The following DIAPH2 variants were observed in gnomAD, a reference collection of about 807,000 sequenced individuals.
The protein encoded by DIAPH2 is protein diaphanous homolog 2.
In DIAPH2, 35 loss-of-function variants were observed where a neutral mutation model predicts 92.7. The observed-to-expected ratio is 0.38, with a 90% CI of 0.29 to 0.50. The LOEUF is 0.50. DIAPH2 is among the 20% of genes least tolerant of loss of function. The pLI, the probability that DIAPH2 is intolerant of heterozygous loss-of-function variation, is 0.94. For missense variants in DIAPH2, 701 were observed against 819.5 expected (o/e 0.86, Z 1.77); for synonymous variants, 301 against 280.4 (o/e 1.07, Z -0.73).
intron 4 of DIAPH2, among the ~76,000 whole-genome samples, chrX:96,809,059 C>A (rs2064652424): frequency 9.0e-6 from 1 of 111,430 alleles, no homozygotes. Flanking sequence ...TTTTTAAACA[C>A]CCAGCCACAA....
intron 26 of DIAPH2, among the ~76,000 whole-genome samples, chrX:97,445,123 CA>C (rs892864411): frequency 1.8e-5 from 2 of 111,439 alleles, no homozygotes; most frequent in African/African-American, 6.5e-5. Context: ...TCACATCTAA[CA>C]ATTGAAATAA....
intron 3 of DIAPH2, among the ~76,000 whole-genome samples, chrX:96,756,707 G>A (rs1221881397): frequency 1.1e-4 from 12 of 111,045 alleles, no homozygotes; most frequent in Non-Finnish European, 2.3e-4. Context: ...GTTTTCCAAA[G>A]TGGTTGTATC....
At chrX:96,983,091 T>C (rs953493651) in intron 17 of DIAPH2, among the ~76,000 whole-genome samples, 3 of 111,399 alleles carry the variant, frequency 2.7e-5, no homozygotes, top group African/African-American at 9.8e-5. Flanking sequence ...CTTTAGTGTT[T>C]TCTACTTGAA....
intron 26 of DIAPH2, among the ~76,000 whole-genome samples, chrX:97,503,861 A>T (rs1220944084): frequency 1.8e-5 from 2 of 112,302 alleles, no homozygotes; most frequent in African/African-American, 6.5e-5. Context: ...TTTATGGGTA[A>T]ACAGGCTAAA....
chrX:97,435,414 G>T (rs929052507), intron 26 of DIAPH2, among the ~76,000 whole-genome samples: 1 of 111,471 alleles, frequency 9.0e-6, no homozygotes, highest in Admixed American at 9.5e-5. Context: ...TTTACAATGC[G>T]GTCTTCTATA....
At chrX:97,566,160 G>A (rs1422121383) in intron 26 of DIAPH2, among the ~76,000 whole-genome samples, 1 of 111,835 alleles carries the variant, frequency 8.9e-6, no homozygotes, top group African/African-American at 3.2e-5. Context: ...ACATTATTAA[G>A]AATAATTTGG....
chrX:97,384,342 T>C (rs760284499), intron 25 of DIAPH2, among the ~76,000 whole-genome samples: 18 of 111,630 alleles, frequency 1.6e-4, no homozygotes, highest in Admixed American at 7.7e-4. Context: ...GTGGGTGAGA[T>C]GAAATGTGAA....
intron 22 of DIAPH2, among the ~76,000 whole-genome samples, chrX:97,162,761 C>G (rs970589829): frequency 9.0e-6 from 1 of 111,667 alleles, no homozygotes; most frequent in Non-Finnish European, 1.9e-5. Flanking sequence ...GTGATCCACC[C>G]GCCTCAGCCT....
chrX:96,863,660 T>C (rs1728428031), intron 4 of DIAPH2, among the ~76,000 whole-genome samples: 1 of 111,252 alleles, frequency 9.0e-6, no homozygotes, highest in African/African-American at 3.3e-5. Flanking sequence ...TTTTACCTAA[T>C]TGAAACATTA....
intron 26 of DIAPH2, among the ~76,000 whole-genome samples, chrX:97,519,294 A>G (rs1189526334): frequency 8.9e-6 from 1 of 112,060 alleles, no homozygotes; most frequent in Admixed American, 9.5e-5. Flanking sequence ...TACTTTTAAA[A>G]GAGATTCATT....
At chrX:97,103,449 A>G (rs1236678401) in intron 20 of DIAPH2, among the ~76,000 whole-genome samples, 1 of 110,769 alleles carries the variant, frequency 9.0e-6, no homozygotes, top group Non-Finnish European at 1.9e-5. Flanking sequence ...TGTTCAACCA[A>G]TGGTGATCAG....
intron 4 of DIAPH2, among the ~76,000 whole-genome samples, chrX:96,796,831 A>T (rs1000828636): frequency 1.8e-5 from 2 of 111,697 alleles, no homozygotes; most frequent in Non-Finnish European, 3.8e-5. Context: ...TTGGGGAAAA[A>T]TAGACTGTAA....
chrX:96,963,037 C>T (rs1382090029), intron 16 of DIAPH2, among the ~76,000 whole-genome samples: 1 of 111,758 alleles, frequency 8.9e-6, no homozygotes, highest in Non-Finnish European at 1.9e-5. Flanking sequence ...TGATGAATTC[C>T]CTCAGTTTTT....
At chrX:96,943,924 T>G (rs1229950757) in intron 13 of DIAPH2, among the ~76,000 whole-genome samples, 1 of 111,557 alleles carries the variant, frequency 9.0e-6, no homozygotes, top group Non-Finnish European at 1.9e-5. Context: ...CTTCTCTAGG[T>G]TTTAGTTTCC....
chrX:96,981,271 T>C (rs2065995692), intron 17 of DIAPH2, among the ~76,000 whole-genome samples: 1 of 111,796 alleles, frequency 8.9e-6, no homozygotes, highest in Non-Finnish European at 1.9e-5. Context: ...TTGTGGTTGA[T>C]TTAGTCAATA....
intron 26 of DIAPH2, among the ~76,000 whole-genome samples, chrX:97,546,464 C>T (rs1380000317): frequency 9.0e-6 from 1 of 111,628 alleles, no homozygotes; most frequent in Admixed American, 9.5e-5. Flanking sequence ...AGTACCATCA[C>T]GTACCATCCA....
intron 1 of DIAPH2, among the ~76,000 whole-genome samples, chrX:96,719,411 A>T (rs925019158): frequency 1.3e-4 from 15 of 112,207 alleles, no homozygotes; most frequent in Admixed American, 1.9e-4. Context: ...ACAGTTTCAT[A>T]ATTTGAGGTC....
chrX:96,689,904 A>AT (rs1201927797), intron 1 of DIAPH2, among the ~76,000 whole-genome samples: 7 of 110,207 alleles, frequency 6.4e-5, no homozygotes, highest in Admixed American at 9.7e-5. Flanking sequence ...TTAGCTGGGG[A>AT]TTTTTTTCCC....
intron 23 of DIAPH2, among the ~76,000 whole-genome samples, chrX:97,276,059 G>A (rs1043193240): frequency 4.4e-5 from 5 of 112,741 alleles, no homozygotes; most frequent in African/African-American, 1.3e-4. Context: ...CAGATCACTC[G>A]CGGTTAAGAG....
Sources: allele counts gnomAD v4.1 joint callset (sites outside exome capture counted in the v4.1 genomes callset), GRCh38; gene constraint gnomAD v4.1.1; transcripts MANE v1.5; gene names NCBI Gene and HGNC (gene_info 2026-07-23, HGNC 2026-07-21).